Variants in CDK13 observed in about 807,000 individuals in gnomAD.
CDK13 encodes the protein cyclin-dependent kinase 13.
Under a neutral mutation model 137.6 loss-of-function variants are expected in CDK13, and 40 were observed. The observed-to-expected ratio is 0.29, with a 90% confidence interval of 0.23 to 0.38. The LOEUF is 0.38. Ranked by LOEUF, CDK13 falls within the 10% of genes least tolerant of loss-of-function variation. CDK13 has a pLI of 1.00. For missense variants in CDK13, 1,704 were observed against 1,951.8 expected (o/e 0.87, Z 2.39); for synonymous variants, 869 against 760.1 (o/e 1.14, Z -2.36).
At chr7:39,982,417 G>A (rs1178349291) in intron 1 of CDK13, among the ~76,000 whole-genome samples, 2 of 151,952 alleles carry the variant, frequency 1.3e-5, no homozygotes, top group Admixed American at 6.6e-5. Context: ...GTCTATCATT[G>A]TTGGACATTT....
intron 5 of CDK13, among the ~76,000 whole-genome samples, chr7:40,015,309 G>T (rs1784980879): frequency 6.6e-6 from 1 of 152,188 alleles, no homozygotes; most frequent in Non-Finnish European, 1.5e-5. Context: ...GGAAAGTAGG[G>T]TGGGGAGTAC....
chr7:40,081,823 G>A (rs756607661), intron 11 of CDK13, among the ~76,000 whole-genome samples: 1 of 152,096 alleles, frequency 6.6e-6, no homozygotes, highest in Non-Finnish European at 1.5e-5. Flanking sequence ...TGTTGGTCAG[G>A]CTGGTCTCGA....
At chr7:39,970,159 C>T (rs1254375581) in intron 1 of CDK13, among the ~76,000 whole-genome samples, 2 of 151,870 alleles carry the variant, frequency 1.3e-5, no homozygotes, top group Middle Eastern at 6.3e-3. Context: ...CATGTGCCAT[C>T]ACGCCCAGCT....
chr7:40,045,417 T>C (rs924981143), intron 5 of CDK13, among the ~76,000 whole-genome samples: 1 of 148,790 alleles, frequency 6.7e-6, no homozygotes, highest in Admixed American at 6.6e-5. Flanking sequence ...CCTAACATCT[T>C]TCTTGGCCTG....
chr7:40,049,894 T>C (rs1166844062), intron 7 of CDK13, among the ~76,000 whole-genome samples: 2 of 152,182 alleles, frequency 1.3e-5, no homozygotes, highest in African/African-American at 4.8e-5. Context: ...TTCATCCATG[T>C]TGTCATAAAT....
chr7:39,980,941 T>A (rs1215536980), intron 1 of CDK13, among the ~76,000 whole-genome samples: 1 of 152,214 alleles, frequency 6.6e-6, no homozygotes, highest in Non-Finnish European at 1.5e-5. Flanking sequence ...TTGTGTGTAT[T>A]TGGGAAAACC....
intron 5 of CDK13, among the ~76,000 whole-genome samples, chr7:40,026,195 GA>G (rs1242617122): frequency 6.6e-6 from 1 of 152,190 alleles, no homozygotes; most frequent in Non-Finnish European, 1.5e-5. Flanking sequence ...GAAATTAAAA[GA>G]GAAATAAATT....
chr7:40,008,859 G>A (rs139607565), intron 5 of CDK13, among the ~76,000 whole-genome samples: 1 of 152,180 alleles, frequency 6.6e-6, no homozygotes, highest in Non-Finnish European at 1.5e-5. Flanking sequence ...AAAATAGTCT[G>A]CGTTCTACAT....
chr7:39,970,356 T>A (rs1783970631), intron 1 of CDK13, among the ~76,000 whole-genome samples: 1 of 152,072 alleles, frequency 6.6e-6, no homozygotes. Context: ...GTAACAGATA[T>A]TTTCTCCTTA....
intron 5 of CDK13, among the ~76,000 whole-genome samples, chr7:40,043,011 C>CA (rs1785647282): frequency 6.6e-6 from 1 of 152,188 alleles, no homozygotes; most frequent in African/African-American, 2.4e-5. Context: ...CCCCTGGCCT[C>CA]AAGCAGTCCT....
At chr7:39,997,435 CA>C in intron 2 of CDK13, 58 bp from the exon 3 acceptor site, 1 of 1,242,380 alleles carries the variant, frequency 8.0e-7, no homozygotes, top group Non-Finnish European at 1.2e-6. Flanking sequence ...AAGTCATAAG[CA>C]TATTTTTATT....
At chr7:39,971,078 AT>A (rs1270023785) in intron 1 of CDK13, among the ~76,000 whole-genome samples, 3 of 152,158 alleles carry the variant, frequency 2.0e-5, no homozygotes, top group Non-Finnish European at 4.4e-5. Flanking sequence ...TAGCTGATAA[AT>A]TTCTGTAATA....
In CDK13 at chr7:40,078,092, T is replaced by C. The variant is rs560245100; in HGVS notation, c.2868T>C (p.Tyr956=). The C allele has an allele frequency of 3.3e-5, 53 of 1,597,432 alleles. No individual in the cohort carries two copies. Among genetic ancestry groups the C allele is most frequent in the Non-Finnish European group, 4.4e-5 (51 of 1,172,272 alleles). Residue 956 remains tyrosine, a synonymous_variant, in exon 10 of 14, where the codon TAT becomes TAC. Transcript: ENST00000181839. The stretch of plus-strand genomic sequence containing the variant: ...ACACCATGAAACCAAAGAAGCAATA[T>C]CGTCGAAAGTTAAGAGAAGAATTTG... ...YFNTMKPKKQ[Y]RRKLREEFVF... is the part of the protein sequence containing the mutation.
chr7:40,063,230 A>G, intron 9 of CDK13, 130 bp downstream of exon 9: 1 of 671,428 alleles, frequency 1.5e-6, no homozygotes, highest in Non-Finnish European at 2.6e-6. Context: ...TGACTGCTAA[A>G]TGGAGGACAA....
intron 5 of CDK13, among the ~76,000 whole-genome samples, chr7:40,044,814 A>G (rs1405351048): frequency 6.6e-6 from 1 of 151,310 alleles, no homozygotes; most frequent in Non-Finnish European, 1.5e-5. Flanking sequence ...TTTTTTGTAT[A>G]TTTATTAGAG....
At chr7:40,071,606 G>A (rs1471937921) in intron 9 of CDK13, 1 of 152,152 alleles carries the variant, frequency 6.6e-6, no homozygotes, top group Non-Finnish European at 1.5e-5. Flanking sequence ...TTTTATCTGT[G>A]ATGATTTTGT....
At chr7:39,977,905 G>A (rs1324188369) in intron 1 of CDK13, among the ~76,000 whole-genome samples, 1 of 152,172 alleles carries the variant, frequency 6.6e-6, no homozygotes, top group Non-Finnish European at 1.5e-5. Context: ...AAACCAAATA[G>A]ATCTGTGAGA....
Position 40,031,383 on chromosome 7 carries a change from G to A in CDK13, c.2354-14453G>A, listed in dbSNP as rs374991896. Among the ~76,000 whole-genome samples, 72 of 152,152 alleles carry A rather than the reference G, an allele frequency of 4.7e-4. 1 individual carries two copies. In the South Asian group the frequency reaches 0.014, roughly 30 times the overall value. ...CTAAAAATACAAAAAATAACTTGAC[G>A]TGGTGGCACGTGCCTGCAGACCCCG... On this transcript the variant is annotated intron_variant, in intron 5 of 13. Transcript: ENST00000181839.
chr7:39,994,226 C>T (rs1263235038), intron 2 of CDK13, among the ~76,000 whole-genome samples: 1 of 151,966 alleles, frequency 6.6e-6, no homozygotes, highest in Non-Finnish European at 1.5e-5. Context: ...TATTCTCTTT[C>T]CTTTAAAACT....
Sources: gnomAD v4.1 joint callset for allele counts (sites outside exome capture counted in the v4.1 genomes callset) on GRCh38, gnomAD v4.1.1 for gene constraint, MANE v1.5 for transcripts, NCBI Gene and HGNC (gene_info 2026-07-23, HGNC 2026-07-21) for gene names.